ZC3H12B: variants seen among roughly 807,000 people sequenced by gnomAD.
ZC3H12B encodes zinc finger CCCH-type containing 12B.
In ZC3H12B, 7 loss-of-function variants were observed where a neutral mutation model predicts 43.9. The ratio of observed to expected loss-of-function variants is 0.16; its 90% CI spans 0.09 to 0.30. The LOEUF (loss-of-function observed/expected upper bound fraction) is 0.30, where lower values mean the gene tolerates loss of function less well. ZC3H12B is among the 10% of genes least tolerant of loss of function. The pLI is 1.00. For synonymous variants in ZC3H12B, 222 were observed against 241.7 expected, an observed-to-expected ratio of 0.92 and a Z score of 0.76; for missense variants, 475 against 670.2, an observed-to-expected ratio of 0.71 and a Z score of 3.22.
At chrX:65,196,953 G>A in the ZC3H12B span, among the ~76,000 whole-genome samples, 1 of 111,849 alleles carries the variant, frequency 8.9e-6, no homozygotes, top group African/African-American at 3.2e-5. Flanking sequence ...ATGGCAAAGC[G>A]ATCAGGTACC....
intron 3 of ZC3H12B, among the ~76,000 whole-genome samples, chrX:65,459,466 C>A (rs1343105189): frequency 1.8e-5 from 2 of 111,706 alleles, no homozygotes; most frequent in Non-Finnish European, 3.8e-5. Flanking sequence ...CAATAAAATA[C>A]TGGCAAACCG....
intron 3 of ZC3H12B, among the ~76,000 whole-genome samples, chrX:65,455,325 C>T (rs1367135403): frequency 1.8e-5 from 2 of 112,222 alleles, no homozygotes; most frequent in African/African-American, 6.5e-5. Context: ...AACTACGTGA[C>T]AAATGCATAA....
the ZC3H12B span, among the ~76,000 whole-genome samples, chrX:65,333,630 C>T: frequency 8.9e-6 from 1 of 112,106 alleles, no homozygotes; most frequent in Non-Finnish European, 1.9e-5. Flanking sequence ...AACATTTTGG[C>T]TCTCCATCAG....
chrX:65,096,017 TAC>T, the ZC3H12B span, among the ~76,000 whole-genome samples: 2 of 111,181 alleles, frequency 1.8e-5, no homozygotes, highest in Non-Finnish European at 3.8e-5. Flanking sequence ...ACAAAAAAAA[TAC>T]AGTTTGAAGA....
the ZC3H12B span, among the ~76,000 whole-genome samples, chrX:65,137,275 G>A: frequency 8.9e-6 from 1 of 112,015 alleles, no homozygotes; most frequent in Admixed American, 9.5e-5. Flanking sequence ...ATTTAGAGAT[G>A]CCAATATTCA....
chrX:65,223,626 TAAAC>T, the ZC3H12B span, among the ~76,000 whole-genome samples: 12 of 111,679 alleles, frequency 1.1e-4, no homozygotes, highest in African/African-American at 2.6e-4. Context: ...TAGCAAGAAG[TAAAC>T]AAACAATACT....
At chrX:65,301,736 T>C in the ZC3H12B span, among the ~76,000 whole-genome samples, 2 of 111,132 alleles carry the variant, frequency 1.8e-5, no homozygotes, top group Admixed American at 1.9e-4. Flanking sequence ...GGAAAAAGAC[T>C]ACACACTGGG....
At chrX:65,229,266 T>A in the ZC3H12B span, among the ~76,000 whole-genome samples, 81 of 111,103 alleles carry the variant, frequency 7.3e-4, no homozygotes, top group Non-Finnish European at 9.4e-4. Flanking sequence ...CAAACCTGAG[T>A]AAAACAAGCA....
At chrX:65,314,247 T>A in the ZC3H12B span, among the ~76,000 whole-genome samples, 2 of 110,688 alleles carry the variant, frequency 1.8e-5, no homozygotes, top group African/African-American at 3.3e-5. Context: ...CAAAAAAAAA[T>A]TTGAAGAAAT....
At chrX:65,151,618 T>C in the ZC3H12B span, among the ~76,000 whole-genome samples, 5 of 111,736 alleles carry the variant, frequency 4.5e-5, no homozygotes, top group Non-Finnish European at 9.4e-5. Context: ...AGGTATAACT[T>C]TGTGGTTTTT....
the ZC3H12B span, among the ~76,000 whole-genome samples, chrX:65,201,883 C>T: frequency 9.4e-6 from 1 of 105,836 alleles, no homozygotes; most frequent in South Asian, 4.0e-4. Context: ...AGATCTGATG[C>T]TTTCATAAGG....
At chrX:65,335,442 A>G in the ZC3H12B span, among the ~76,000 whole-genome samples, 2 of 112,203 alleles carry the variant, frequency 1.8e-5, no homozygotes, top group Non-Finnish European at 3.8e-5. Flanking sequence ...AGTGAAACCA[A>G]TAAGCCTTTA....
chrX:65,461,218 G>T lies in ZC3H12B; in HGVS notation n.408-27428G>T, dbSNP rs758147974. On this transcript the variant is annotated intron_variant and non_coding_transcript_variant, in intron 3 of 5. Coordinates refer to the ZC3H12B transcript ENST00000617377. ...AAGTCAGGAAACAACAGGTGCTGGA[G>T]AGGATGTGGAGAAATAGGAACACTT... Among the ~76,000 whole-genome samples, 232 of 112,158 alleles carry T rather than the reference G, an allele frequency of 2.1e-3. 2 individuals are homozygous for T. Among genetic ancestry groups the T allele is most frequent in the Non-Finnish European group, 3.1e-3 (167 of 53,249 alleles).
At chrX:65,207,251 TACACAC>T in the ZC3H12B span, among the ~76,000 whole-genome samples, 19 of 101,038 alleles carry the variant, frequency 1.9e-4, no homozygotes, top group East Asian at 1.2e-3. Flanking sequence ...TGTGTATATA[TACACAC>T]ACACACACAC....
chrX:65,282,798 C>T, the ZC3H12B span, among the ~76,000 whole-genome samples: 13 of 111,662 alleles, frequency 1.2e-4, no homozygotes, highest in African/African-American at 4.2e-4. Flanking sequence ...CAGAATAGAC[C>T]AATATCAGGC....
chrX:65,470,912 T>G (rs2067902891), intron 3 of ZC3H12B, among the ~76,000 whole-genome samples: 2 of 112,419 alleles, frequency 1.8e-5, no homozygotes, highest in Non-Finnish European at 3.8e-5. Context: ...TGATTTTGAT[T>G]TTTTTAAATG....
At chrX:65,205,790 C>T in the ZC3H12B span, among the ~76,000 whole-genome samples, 4 of 111,481 alleles carry the variant, frequency 3.6e-5, no homozygotes, top group African/African-American at 1.3e-4. Context: ...ATCCAAAAAG[C>T]TCCTAGAACT....
chrX:65,143,714 C>G, the ZC3H12B span, among the ~76,000 whole-genome samples: 1 of 108,483 alleles, frequency 9.2e-6, no homozygotes, highest in Non-Finnish European at 1.9e-5. Flanking sequence ...AGGTGAGCAC[C>G]ACCATGCCCA....
the ZC3H12B span, chrX:65,187,298 G>C: frequency 8.9e-6 from 1 of 111,957 alleles, no homozygotes; most frequent in Non-Finnish European, 1.9e-5. Flanking sequence ...TTAGAAGATA[G>C]TGTGGATCTG....
Sources: allele counts gnomAD v4.1 joint callset (sites outside exome capture counted in the v4.1 genomes callset), GRCh38; gene constraint gnomAD v4.1.1; transcripts MANE v1.5; gene names NCBI Gene and HGNC (gene_info 2026-07-23, HGNC 2026-07-21).